Variants in VBP1 observed in about 807,000 individuals in gnomAD.
The protein encoded by VBP1 is VHL binding protein 1, also known as prefoldin subunit 3.
A neutral mutation model predicts 15.5 loss-of-function variants in VBP1; 4 were observed. The observed-to-expected ratio is 0.26, with a 90% CI of 0.13 to 0.59. VBP1 has a LOEUF of 0.59. Ranked by LOEUF, VBP1 falls within the 20% of genes least tolerant of loss-of-function variation. The pLI is 0.90. For synonymous variants in VBP1, 61 were observed against 52.1 expected, an observed-to-expected ratio of 1.17 and a Z score of -0.74; for missense variants, 108 against 139.6, an observed-to-expected ratio of 0.77 and a Z score of 1.14.
intron 1 of VBP1, among the ~76,000 whole-genome samples, chrX:155,197,942 G>T (rs996788712): frequency 8.9e-6 from 1 of 112,347 alleles, no homozygotes; most frequent in African/African-American, 3.2e-5. Flanking sequence ...AAAAAACGGC[G>T]CACCAGGAGA....
intron 2 of VBP1, among the ~76,000 whole-genome samples, chrX:155,221,667 A>T (rs1369903887): frequency 8.9e-6 from 1 of 112,402 alleles, no homozygotes; most frequent in African/African-American, 3.2e-5. Context: ...GGAGGTTCAG[A>T]GGAAGCTTCT....
chrX:155,234,109 GTTTTTTTTTTTT>G (rs35367656), intron 4 of VBP1, among the ~76,000 whole-genome samples: 3 of 28,678 alleles, frequency 1.0e-4, no homozygotes, highest in African/African-American at 1.4e-4. Context: ...TTGTTCCTCT[GTTTTTTTTTTTT>G]TTTTTTTTTT....
rs782107571 is a variant in VBP1, at chrX:155,206,004, T to A, written c.-30-2870T>A. Among the ~76,000 whole-genome samples the A allele has an allele frequency of 2.7e-5, 3 of 112,244 alleles. No homozygotes were observed. In the East Asian group the frequency reaches 8.4e-4, roughly 31 times the overall value. On this transcript the variant is annotated intron_variant, in intron 1 of 6. Coordinates refer to the VBP1 transcript ENST00000535916. The stretch of plus-strand genomic sequence containing the variant: ...TGTCTTACTTAGTCCTTCTGTCTTA[T>A]CACTCAACTAGCACATATTCTAATT...
At chrX:155,234,731 A>G (rs1308163465) in intron 4 of VBP1, among the ~76,000 whole-genome samples, 1 of 111,476 alleles carries the variant, frequency 9.0e-6, no homozygotes, top group African/African-American at 3.3e-5. Context: ...ATGTCCCCCC[A>G]GTCATCATCC....
rs782401717 is a variant in VBP1, at chrX:155,239,567, C to G, written c.*725C>G. On this transcript the variant is annotated 3_prime_UTR_variant, in exon 6 of 6. Transcript: ENST00000286428. ...TAACAGTTCTCCAGAGCATCTTGAA[C>G]AGGAATATTAAGATAAATGTGAATC... The G allele has an allele frequency of 1.8e-5, 2 of 111,710 alleles. No individual in the cohort carries two copies. Among genetic ancestry groups the G allele is most frequent in the Non-Finnish European group, 3.8e-5 (2 of 53,158 alleles). 9.2% of individuals were successfully genotyped at this position (111,710 alleles called of 1,213,427 possible).
chrX:155,236,202 G>T (rs1348017188), intron 4 of VBP1, 27 bp from the exon 5 acceptor site: 1 of 1,197,315 alleles, frequency 8.4e-7, no homozygotes, highest in African/African-American at 1.8e-5. Context: ...TAAATATTGA[G>T]TAATTGTCAT....
chrX:155,215,274 G>T (rs191392243), upstream of VBP1, among the ~76,000 whole-genome samples: 246 of 111,220 alleles, frequency 2.2e-3, no homozygotes, highest in African/African-American at 7.9e-3. Context: ...GAGTGGTGAA[G>T]AATAGAATTC....
At chrX:155,238,284 T>C (rs1038957127) in intron 5 of VBP1, among the ~76,000 whole-genome samples, 4 of 112,194 alleles carry the variant, frequency 3.6e-5, no homozygotes, top group Non-Finnish European at 7.5e-5. Flanking sequence ...TTCACCTGTC[T>C]TATTCAGGTC....
intron 1 of VBP1, among the ~76,000 whole-genome samples, chrX:155,204,225 TC>T (rs1569560866): frequency 9.0e-6 from 1 of 111,428 alleles, no homozygotes. Context: ...CGATGTCGGT[TC>T]ACTGCAACCT....
At chrX:155,208,484 G>A (rs2124048051) in intron 1 of VBP1, among the ~76,000 whole-genome samples, 1 of 112,166 alleles carries the variant, frequency 8.9e-6, no homozygotes. Context: ...ATACATACCA[G>A]TATACATTTA....
intron 5 of VBP1, among the ~76,000 whole-genome samples, chrX:155,238,052 G>A (rs1461170780): frequency 1.8e-5 from 2 of 111,637 alleles, no homozygotes; most frequent in East Asian, 5.6e-4. Context: ...GATATTAAAC[G>A]TGTGAGAAAA....
In VBP1 at chrX:155,216,544, T is replaced by C; in HGVS notation, c.62T>C (p.Leu21Pro). ...ATGGCCACAGGGAATGGGCGGCGGC[T>C]CCACCTGGGGATTCCTGAGGCCGTG... ...GEMATGNGRR[L>P]HLGIPEAVFV... Residue 21 changes from leucine to proline, a missense_variant, in exon 1 of 6, where the codon CTC (leucine) becomes CCC (proline). Coordinates refer to ENST00000286428, the MANE Select transcript of VBP1 (RefSeq NM_003372.7). 1 of 1,170,553 alleles carries C rather than the reference T, an allele frequency of 8.5e-7. No homozygotes were observed. Among genetic ancestry groups the C allele is most frequent in the Non-Finnish European group, 1.1e-6 (1 of 874,163 alleles).
At chrX:155,215,417 T>C (rs2074658878), upstream of VBP1, among the ~76,000 whole-genome samples, 1 of 111,748 alleles carries the variant, frequency 8.9e-6, no homozygotes, top group Admixed American at 9.5e-5. Flanking sequence ...GGAGAACTAG[T>C]TTGGAATTCC....
chrX:155,214,213 A>G (rs1557308788), upstream of VBP1, among the ~76,000 whole-genome samples: 2 of 112,559 alleles, frequency 1.8e-5, no homozygotes. Context: ...TAATTGTTGA[A>G]TTACTTTTTT....
rs782668644 is a variant in VBP1 at position 155,224,739 on chromosome X, A to C, written c.219-2496A>C. 2.7e-5 allele frequency among the ~76,000 whole-genome samples: 3 copies of C among 112,366 alleles called. No homozygotes were observed. The South Asian group carries it at 1.1e-3, about 41-fold the overall frequency. On this transcript the variant is annotated intron_variant, in intron 2 of 5. Transcript: ENST00000286428. ...GTGTTAATCTCTTTTTCGACACTTG[A>C]ATCTGAGATCTTTTATCTTTCTTTA...
chrX:155,234,023 G>A (rs2124097215), intron 4 of VBP1, among the ~76,000 whole-genome samples: 1 of 108,182 alleles, frequency 9.2e-6, no homozygotes, highest in East Asian at 2.9e-4. Context: ...AAAGGTTCAG[G>A]TTAATATGTG....
intron 4 of VBP1, among the ~76,000 whole-genome samples, chrX:155,228,864 A>C (rs1437478774): frequency 2.7e-5 from 3 of 112,576 alleles, no homozygotes; most frequent in Admixed American, 9.4e-5. Flanking sequence ...TTCCCATAAG[A>C]GTTTAATAAT....
chrX:155,222,486 A>G (rs2074694109), intron 2 of VBP1, among the ~76,000 whole-genome samples: 1 of 111,860 alleles, frequency 8.9e-6, no homozygotes. Flanking sequence ...TCAAGAAAGA[A>G]AAAAAGGAAA....
At chrX:155,222,852 C>T (rs2074696020) in intron 2 of VBP1, among the ~76,000 whole-genome samples, 1 of 111,199 alleles carries the variant, frequency 9.0e-6, no homozygotes, top group Admixed American at 9.5e-5. Flanking sequence ...GTGGGTTGGT[C>T]ATTTTTTTGA....
Sources: allele counts gnomAD v4.1 joint callset (sites outside exome capture counted in the v4.1 genomes callset), GRCh38; gene constraint gnomAD v4.1.1; transcripts MANE v1.5; gene names NCBI Gene and HGNC (gene_info 2026-07-23, HGNC 2026-07-21).